Variants in HOGA1 observed in about 807,000 individuals in gnomAD.
The protein encoded by HOGA1 is 4-hydroxy-2-oxoglutarate aldolase, mitochondrial.
A neutral mutation model predicts 34.3 loss-of-function variants in HOGA1; 30 were observed. The ratio of observed to expected loss-of-function variants is 0.87; its 90% CI spans 0.65 to 1.19. The LOEUF is 1.19. HOGA1 is among the 50% of genes most tolerant of loss of function. HOGA1 has a pLI of 0.00. For missense variants in HOGA1, 417 were observed against 436.5 expected, an observed-to-expected ratio of 0.96 and a Z score of 0.40; for synonymous variants, 161 against 174.0, an observed-to-expected ratio of 0.93 and a Z score of 0.59.
intron 1 of HOGA1, chr10:97,590,661 A>AC: frequency 7.8e-7 from 1 of 1,281,170 alleles, no homozygotes; most frequent in Non-Finnish European, 1.1e-6. Flanking sequence ...TTTCTCTCCT[A>AC]TGGGGCCATC....
Position 97,606,025 on chromosome 10 carries a change from C to T in HOGA1, c.834+4035C>T, listed in dbSNP as rs143754896. Among the ~76,000 whole-genome samples, 470 of 150,570 alleles carry T rather than the reference C, an allele frequency of 3.1e-3. 2 individuals carry two copies. The highest frequency in any genetic ancestry group is 0.011 in the African/African-American group (437 of 40,824). On this transcript the variant is annotated intron_variant, in intron 6 of 6. Transcript: ENST00000370646. Reference sequence around the variant, plus strand: ...GAGTTCTGGGCATGGTGGCTCACGCCTATAATCCCAGCACTTTGGGAGGCC... The same window carrying T: ...GAGTTCTGGGCATGGTGGCTCACGCTTATAATCCCAGCACTTTGGGAGGCC...
At chr10:97,588,594 C>G (rs2040991203) in intron 1 of HOGA1, among the ~76,000 whole-genome samples, 1 of 152,172 alleles carries the variant, frequency 6.6e-6, no homozygotes, top group African/African-American at 2.4e-5. Context: ...GAACTCACAC[C>G]CATAAACACC....
At chr10:97,600,469 A>T in intron 5 of HOGA1, 1 of 459,352 alleles carries the variant, frequency 2.2e-6, no homozygotes, top group Admixed American at 3.4e-5. Context: ...CTCTAATCCC[A>T]CCTTGTACAT....
chr10:97,598,746 A>G, intron 1 of HOGA1, 29 bp from the exon 2 acceptor site: 1 of 1,614,094 alleles, frequency 6.2e-7, no homozygotes, highest in African/African-American at 1.3e-5. Context: ...AGAGGATGGG[A>G]AGGAGTTAGT....
At chr10:97,590,629 G>C in intron 1 of HOGA1, 1 of 1,536,078 alleles carries the variant, frequency 6.5e-7, no homozygotes, top group Non-Finnish European at 8.9e-7. Context: ...CCCCAGCAAG[G>C]CTGGCTCACA....
chr10:97,603,802 C>T lies in HOGA1; in HGVS notation c.834+1812C>T, dbSNP rs1298950847. Among the ~76,000 whole-genome samples the T allele has an allele frequency of 2.0e-5, 3 of 152,054 alleles. No homozygotes were observed. Among genetic ancestry groups the T allele is most frequent in the African/African-American group, 4.8e-5 (2 of 41,392 alleles). Reference sequence around the variant, plus strand: ...GCCTCGAACTCCTGACCTCATGATCCACCCGCCTCGACCTCCCAAAGTGCT... The same window carrying T: ...GCCTCGAACTCCTGACCTCATGATCTACCCGCCTCGACCTCCCAAAGTGCT... On this transcript the variant is annotated intron_variant, in intron 6 of 6. Transcript: ENST00000370646. This position sits in a 1 kb window ranked among gnomAD's most constrained non-coding sequence, Gnocchi z 4.5.
intron 6 of HOGA1, chr10:97,602,616 G>A (rs1011068377): frequency 3.2e-5 from 31 of 974,572 alleles, no homozygotes; most frequent in East Asian, 1.1e-4. Context: ...TCTTTCCTTC[G>A]TTCCTTTGTT....
intron 1 of HOGA1, among the ~76,000 whole-genome samples, chr10:97,598,366 T>C (rs1246274862): frequency 2.0e-5 from 3 of 152,262 alleles, no homozygotes; most frequent in African/African-American, 7.2e-5. Context: ...CAGAATACTA[T>C]ACAGCAATTA....
chr10:97,610,426 C>T (rs1217251902), intron 6 of HOGA1, among the ~76,000 whole-genome samples: 1 of 152,100 alleles, frequency 6.6e-6, no homozygotes, highest in Non-Finnish European at 1.5e-5. Flanking sequence ...CATGATCATA[C>T]CACTGCACTC....
intron 5 of HOGA1, chr10:97,600,640 A>C (rs147697486): frequency 6.2e-5 from 13 of 209,110 alleles, no homozygotes; most frequent in African/African-American, 2.8e-4. Context: ...ATCCCTAGGA[A>C]TGTCACTTAG....
At chr10:97,608,563 G>A (rs954695216) in intron 6 of HOGA1, among the ~76,000 whole-genome samples, 3 of 152,104 alleles carry the variant, frequency 2.0e-5, no homozygotes, top group African/African-American at 7.2e-5. Flanking sequence ...CCAGCACTTT[G>A]GGAGGCCGAG....
rs1320079467 is a variant in HOGA1, at chr10:97,601,895, G to A, written c.739G>A (p.Gly247Arg). 4.3e-6 allele frequency: 7 copies of A among 1,612,690 alleles called. No homozygotes were observed. Among genetic ancestry groups the A allele is most frequent in the Non-Finnish European group, 5.1e-6 (6 of 1,180,016 alleles). Residue 247 changes from glycine (G) to arginine (R), a missense_variant, in exon 6 of 7, where the codon GGG (glycine) becomes AGG (arginine). Coordinates refer to ENST00000370646, the MANE Select transcript of HOGA1 (RefSeq NM_138413.4). ...CGTCTGCGCCCTGGCCAATGTCCTG[G>A]GGGCTCAGGTGTGCCAGCTGGAGCG... is the stretch of plus-strand genomic sequence containing the variant. Reference protein sequence around the residue: ...GGVCALANVLGAQVCQLERLC... With the variant: ...GGVCALANVLRAQVCQLERLC...
At chr10:97,596,100 C>T (rs1318578592) in intron 1 of HOGA1, among the ~76,000 whole-genome samples, 1 of 152,260 alleles carries the variant, frequency 6.6e-6, no homozygotes, top group East Asian at 1.9e-4. Flanking sequence ...CCAGAGGTGA[C>T]TCTTGAGTCT....
chr10:97,599,474 C>T, intron 3 of HOGA1: 5 of 765,482 alleles, frequency 6.5e-6, no homozygotes, highest in Non-Finnish European at 1.1e-5. Flanking sequence ...ACATAAAGGC[C>T]TTAGAACTGT....
intron 3 of HOGA1, 133 bp from the exon 4 acceptor site, chr10:97,599,547 G>C: frequency 8.7e-7 from 1 of 1,154,596 alleles, no homozygotes; most frequent in South Asian, 1.3e-5. Context: ...CTCGGGGCAC[G>C]TAGCATGGGA....
At chr10:97,609,858 G>A (rs908214823) in intron 6 of HOGA1, among the ~76,000 whole-genome samples, 24 of 152,156 alleles carry the variant, frequency 1.6e-4, no homozygotes, top group Non-Finnish European at 1.5e-5. Context: ...GGCGAGGCCT[G>A]CAGGAGGGTG....
At chr10:97,589,264 G>A (rs1173142563) in intron 1 of HOGA1, among the ~76,000 whole-genome samples, 1 of 151,950 alleles carries the variant, frequency 6.6e-6, no homozygotes, top group Non-Finnish European at 1.5e-5. Context: ...TGCAAATGAG[G>A]ATGGAATATG....
chr10:97,590,839 T>C, intron 1 of HOGA1: 2 of 533,344 alleles, frequency 3.7e-6, no homozygotes, highest in Non-Finnish European at 6.9e-6. Context: ...CTGAGGCCCC[T>C]GAAGACCCAC....
rs114177505 is a variant in HOGA1 at position 97,599,749 on chromosome 10, G to A, written c.538G>A (p.Val180Met). Residue 180 changes from valine (V) to methionine (M), a missense_variant, in exon 4 of 7, where the codon GTG becomes ATG. Transcript: ENST00000370646. ...VPANTGLDLP[V>M]DAVVTLSQHP... ...AGCCAACACAGGGCTGGACCTGCCT[G>A]TGGATGCAGTGGTCACGCTTTCCCA... 219 of 1,614,232 alleles carry A rather than the reference G, an allele frequency of 1.4e-4. No homozygotes were observed. Among genetic ancestry groups the A allele is most frequent in the Non-Finnish European group, 1.8e-4 (211 of 1,180,036 alleles).
Sources: gnomAD v4.1 joint callset for allele counts (sites outside exome capture counted in the v4.1 genomes callset) on GRCh38, gnomAD v4.1.1 for gene constraint, Gnocchi (gnomAD v3.1) non-coding constraint, MANE v1.5 for transcripts, NCBI Gene and HGNC (gene_info 2026-07-23, HGNC 2026-07-21) for gene names.